The following RFX6 variants were observed in gnomAD, a reference collection of about 807,000 sequenced individuals.
RFX6 encodes the protein DNA-binding protein RFX6.
Under a neutral mutation model 110.8 loss-of-function variants are expected in RFX6, and 50 were observed. The ratio of observed to expected loss-of-function variants is 0.45; its 90% confidence interval spans 0.36 to 0.57. The LOEUF is 0.57. RFX6 is among the 20% of genes least tolerant of loss of function. RFX6 has a pLI of 0.00. For missense variants in RFX6, 990 were observed against 1,127.0 expected (o/e 0.88, Z 1.74); for synonymous variants, 383 against 411.2 (o/e 0.93, Z 0.83).
At chr6:116,879,637 C>T (rs547542819) in intron 2 of RFX6, among the ~76,000 whole-genome samples, 2 of 151,782 alleles carry the variant, frequency 1.3e-5, no homozygotes, top group Admixed American at 6.6e-5. Context: ...TATATTGCAT[C>T]GTTTCTGCAT....
intron 4 of RFX6, among the ~76,000 whole-genome samples, chr6:116,885,274 A>T (rs1774676115): frequency 6.6e-6 from 1 of 152,222 alleles, no homozygotes; most frequent in Admixed American, 6.5e-5. Context: ...ACAATATCTT[A>T]TAGGATTGTT....
intron 16 of RFX6, among the ~76,000 whole-genome samples, chr6:116,926,034 G>A (rs180941834): frequency 2.0e-5 from 3 of 151,988 alleles, no homozygotes; most frequent in African/African-American, 4.8e-5. Context: ...AAGTAGTTTC[G>A]GGCTGGGTAT....
chr6:116,880,538 T>C lies in RFX6; in HGVS notation c.381-6T>C. 6.2e-7 allele frequency: 1 copy of C among 1,611,858 alleles called. No homozygotes were observed. Among genetic ancestry groups the C allele is most frequent in the African/African-American group, 1.3e-5 (1 of 75,016 alleles). On this transcript the variant is annotated splice_region_variant and splice_polypyrimidine_tract_variant and intron_variant, in intron 2 of 18. Coordinates refer to ENST00000332958, the MANE Select transcript of RFX6 (RefSeq NM_173560.4). ...ATTTGACCTAATTTTTGTTCCTTTT[T>C]CTTAGGCTTGAAGAGAATTACATTG...
intron 3 of RFX6, 78 bp from the exon 4 acceptor site, chr6:116,882,289 C>T (rs909901670): frequency 5.0e-6 from 5 of 990,592 alleles, no homozygotes; most frequent in Non-Finnish European, 6.5e-6. Flanking sequence ...ATTTACTTTC[C>T]CCAAGTAATT....
intron 4 of RFX6, chr6:116,884,681 C>G (rs1774661778): frequency 6.6e-6 from 1 of 152,112 alleles, no homozygotes; most frequent in Admixed American, 6.5e-5. Context: ...GGCTGGCAGG[C>G]TGCAGGGAAA....
rs753080048 is a variant in RFX6 at position 116,877,898 on chromosome 6, C to T, written c.326C>T (p.Thr109Ile). 28 of 1,614,126 alleles carry T rather than the reference C, an allele frequency of 1.7e-5. No individual in the cohort carries two copies. The South Asian group carries it at 2.9e-4, about 16-fold the overall frequency. The change falls in exon 2 of 19, where the codon ACC becomes ATC. Residue 109 changes from threonine (T) to isoleucine (I), a missense_variant. By Grantham distance (89) the Thr-to-Ile change is moderately conservative. This residue lies in a region of RFX6 where 175 missense variants were observed against 162.3 expected (regional missense o/e 1.08). Transcript: ENST00000332958. Reference sequence around the variant, plus strand: ...GATCAATACCTGTCTCAGAAGAAAACCATCACGCAGATTGTGAAGGATAAA... The same window carrying T: ...GATCAATACCTGTCTCAGAAGAAAATCATCACGCAGATTGTGAAGGATAAA... ...AADQYLSQKK[T>I]ITQIVKDKKK... is the part of the protein sequence containing the mutation.
chr6:116,918,569 AAC>A (rs1775523924), intron 10 of RFX6, among the ~76,000 whole-genome samples: 2 of 150,238 alleles, frequency 1.3e-5, no homozygotes, highest in African/African-American at 4.9e-5. Context: ...AAAAAAAAAA[AAC>A]CTTTTCAATA....
intron 7 of RFX6, among the ~76,000 whole-genome samples, chr6:116,913,793 T>C (rs921341234): frequency 9.9e-5 from 15 of 152,204 alleles, no homozygotes; most frequent in African/African-American, 3.4e-4. Context: ...AGGATTAATT[T>C]TGAAAGAATT....
At position 116,931,512 on chromosome 6, in the gene RFX6, C is replaced by A. The variant is rs1181405866; in HGVS notation, c.*6C>A. On this transcript the variant is annotated 3_prime_UTR_variant, in exon 19 of 19. Coordinates refer to ENST00000332958, the MANE Select transcript of RFX6 (RefSeq NM_173560.4). ...CAGCAGCTGGAGGCACTTAAACCAC[C>A]AATGTGGGAGGGGGTGCTAAAACTT... The A allele has an allele frequency of 6.2e-7, 1 of 1,606,612 alleles. No homozygotes were observed. The highest frequency in any genetic ancestry group is 1.7e-5 in the Admixed American group (1 of 59,746).
At chr6:116,919,531 T>C (rs1775546871) in intron 11 of RFX6, among the ~76,000 whole-genome samples, 1 of 149,862 alleles carries the variant, frequency 6.7e-6, no homozygotes, top group African/African-American at 2.4e-5. Flanking sequence ...ATTTCATAAT[T>C]TGGGTAATAT....
chr6:116,878,629 A>T (rs1357729390), intron 2 of RFX6, among the ~76,000 whole-genome samples: 1 of 151,966 alleles, frequency 6.6e-6, no homozygotes, highest in Non-Finnish European at 1.5e-5. Context: ...AGACGGCTCT[A>T]AAGTAAAAGC....
intron 4 of RFX6, among the ~76,000 whole-genome samples, chr6:116,890,617 A>G (rs1303389005): frequency 1.3e-5 from 2 of 152,202 alleles, no homozygotes; most frequent in East Asian, 3.8e-4. Context: ...CAACATATCT[A>G]AAATCTAAGG....
At chr6:116,890,405 C>T (rs1443179274) in intron 4 of RFX6, among the ~76,000 whole-genome samples, 1 of 152,086 alleles carries the variant, frequency 6.6e-6, no homozygotes, top group African/African-American at 2.4e-5. Flanking sequence ...TTTGGTATTA[C>T]AATTCTCTGT....
Position 116,877,856 on chromosome 6 carries a change from GC to G in RFX6, c.285del (p.Ser95ArgfsTer20), listed in dbSNP as rs1185740061. On this transcript the variant is annotated frameshift_variant, in exon 2 of 19. Transcript: ENST00000332958. LOFTEE classifies it high-confidence loss of function. ...SEEEDADNHD[S>X]KTKAADQYLS... is the part of the protein sequence containing the mutation. ...GAAGAGGACGCCGACAACCACGACA[GC>G]AAAACCAAAGCAGCGGATCAATACC... The G allele has an allele frequency of 6.2e-7, 1 of 1,614,064 alleles. No individual in the cohort carries two copies. The highest frequency in any genetic ancestry group is 8.5e-7 in the Non-Finnish European group (1 of 1,179,988).
At chr6:116,918,458 T>TAA (rs1775520868) in intron 10 of RFX6, among the ~76,000 whole-genome samples, 1 of 151,904 alleles carries the variant, frequency 6.6e-6, no homozygotes, top group South Asian at 2.1e-4. Flanking sequence ...ACTTTTGTCT[T>TAA]AATTACAAAA....
rs780199543 is a variant in RFX6 at position 116,920,477 on chromosome 6, G to C, written c.1327+23G>C. On this transcript the variant is annotated intron_variant, in intron 12 of 18. Coordinates refer to ENST00000332958, the MANE Select transcript of RFX6 (RefSeq NM_173560.4). ...AACGTAAGTCCATTCTCTTTGTTTA[G>C]AACAAGGTTTTCTAAGCTCAGAAAA... is the stretch of plus-strand genomic sequence containing the variant. 2.5e-6 allele frequency: 4 copies of C among 1,607,368 alleles called. No homozygotes were observed. In the South Asian group the frequency reaches 4.4e-5, roughly 18 times the overall value.
chr6:116,877,291 G>A lies in RFX6; in HGVS notation c.16G>A (p.Glu6Lys), dbSNP rs17853900. 6.2e-7 allele frequency: 1 copy of A among 1,611,402 alleles called. No homozygotes were observed. Among genetic ancestry groups the A allele is most frequent in the East Asian group, 2.2e-5 (1 of 44,736 alleles). ...GGCCAGGAGGATGGCCAAGGTCCCG[G>A]AGCTGGAAGACACCTTCCTGCAGGC... MAKVP[E>K]LEDTFLQAQP... The change falls in exon 1 of 19, where the codon GAG becomes AAG. Residue 6 changes from glutamate (E) to lysine (K), a missense_variant. Physicochemically the swap from Glu to Lys is moderately conservative, Grantham distance 56 (BLOSUM62 1). This residue lies in a region of RFX6 where 175 missense variants were observed against 162.3 expected (regional missense o/e 1.08). Coordinates refer to ENST00000332958, the MANE Select transcript of RFX6 (RefSeq NM_173560.4).
intron 12 of RFX6, 125 bp downstream of exon 12, chr6:116,920,579 CT>C: frequency 1.2e-6 from 1 of 819,764 alleles, no homozygotes; most frequent in Non-Finnish European, 2.1e-6. Context: ...CATCCTTGAC[CT>C]TTACCCATTA....
chr6:116,922,263 C>G (rs765386802), intron 13 of RFX6, 112 bp downstream of exon 13: 65 of 707,480 alleles, frequency 9.2e-5, no homozygotes, highest in Non-Finnish European at 1.6e-4. Flanking sequence ...TGTGTAAAGG[C>G]TTTGAAAAGC....
Sources: gnomAD v4.1 joint callset for allele counts (sites outside exome capture counted in the v4.1 genomes callset) on GRCh38, gnomAD v4.1.1 for gene constraint, gnomAD v4.1.1 regional missense constraint, MANE v1.5 for transcripts, NCBI Gene and HGNC (gene_info 2026-07-23, HGNC 2026-07-21) for gene names.